The following USP45 variants were observed in gnomAD, a reference collection of about 807,000 sequenced individuals.
USP45 encodes the protein ubiquitin specific peptidase 45, also known as ubiquitin carboxyl-terminal hydrolase 45.
USP45 carries 89 observed loss-of-function variants against 95.8 expected under a neutral mutation model. That is an observed-to-expected ratio of 0.93 (90% CI 0.78 to 1.11). The LOEUF (loss-of-function observed/expected upper bound fraction) is 1.11. Ranked by LOEUF, USP45 falls within the 50% of genes least tolerant of loss-of-function variation. The pLI is 0.00. For missense variants in USP45, 898 were observed against 942.5 expected (o/e 0.95, Z 0.62); for synonymous variants, 281 against 316.2 (o/e 0.89, Z 1.18).
intron 13 of USP45, among the ~76,000 whole-genome samples, chr6:99,456,502 T>C (rs1041832337): frequency 6.6e-6 from 1 of 152,182 alleles, no homozygotes; most frequent in South Asian, 2.1e-4. Context: ...ATTGTGAAGA[T>C]TTCATGGACA....
chr6:99,440,357 A>G (rs1032682861), intron 15 of USP45, among the ~76,000 whole-genome samples: 9 of 152,230 alleles, frequency 5.9e-5, no homozygotes, highest in Non-Finnish European at 7.3e-5. Context: ...AGTAAATGCT[A>G]TATATTACAT....
At chr6:99,452,179 T>C (rs1583040002) in intron 13 of USP45, among the ~76,000 whole-genome samples, 1 of 152,148 alleles carries the variant, frequency 6.6e-6, no homozygotes, top group Middle Eastern at 3.4e-3. Context: ...AATTGACAAA[T>C]GGGATCTAAT....
chr6:99,517,513 C>CA (rs1229174510), upstream of USP45, among the ~76,000 whole-genome samples: 7 of 151,840 alleles, frequency 4.6e-5, no homozygotes, highest in Admixed American at 1.3e-4. Context: ...CAGTTCACTG[C>CA]AACCTCTGCC....
intron 9 of USP45, 56 bp from the exon 10 acceptor site, chr6:99,468,674 C>T (rs969024679): frequency 8.3e-7 from 1 of 1,201,044 alleles, no homozygotes; most frequent in East Asian, 2.4e-5. Flanking sequence ...AGGCCTCATC[C>T]TCCTAATAAA....
rs990038790 is a variant in USP45 at position 99,433,958 on chromosome 6, A to G, written c.*1758T>C. Reference sequence around the variant, plus strand: ...TGGCTGACTTGAATAAAGACAGTCAATATTTTTCAAAAAATTCACTGCTCT... The same window carrying G: ...TGGCTGACTTGAATAAAGACAGTCAGTATTTTTCAAAAAATTCACTGCTCT... On this transcript the variant is annotated 3_prime_UTR_variant, in exon 18 of 18. Transcript: ENST00000500704. The G allele has an allele frequency of 2.0e-5, 3 of 152,216 alleles. No individual in the cohort carries two copies. The highest frequency in any genetic ancestry group is 4.8e-5 in the African/African-American group (2 of 41,456). 9.4% of individuals were successfully genotyped at this position (152,216 alleles called of 1,614,324 possible).
At chr6:99,506,961 T>C (rs1798665193) in intron 4 of USP45, among the ~76,000 whole-genome samples, 1 of 152,200 alleles carries the variant, frequency 6.6e-6, no homozygotes, top group Non-Finnish European at 1.5e-5. Context: ...ATCCTAGCAC[T>C]TGGGGAGGCC....
At chr6:99,483,609 C>T (rs1287110255) in intron 7 of USP45, among the ~76,000 whole-genome samples, 6 of 151,824 alleles carry the variant, frequency 4.0e-5, no homozygotes, top group Non-Finnish European at 5.9e-5. Flanking sequence ...GAGGCCGAGG[C>T]GGGTGGATCA....
intron 8 of USP45, among the ~76,000 whole-genome samples, chr6:99,478,959 A>T (rs1420655962): frequency 6.6e-6 from 1 of 151,800 alleles, no homozygotes; most frequent in East Asian, 2.0e-4. Flanking sequence ...TACACCCTGT[A>T]TGATTCCATT....
chr6:99,508,253 A>C (rs1798973420), intron 3 of USP45, among the ~76,000 whole-genome samples: 1 of 152,226 alleles, frequency 6.6e-6, no homozygotes, highest in African/African-American at 2.4e-5. Context: ...TAAGATTTTA[A>C]ATTACTTTGC....
chr6:99,464,845 T>A (rs1180060333), intron 12 of USP45, 98 bp from the exon 13 acceptor site: 1 of 1,311,312 alleles, frequency 7.6e-7, no homozygotes, highest in Non-Finnish European at 1.0e-6. Context: ...ATACAAAAAA[T>A]TAACAAATTA....
rs141919348 is a variant in USP45 at position 99,436,411 on chromosome 6, C to T, written c.2315-565G>A. ...TAATTTAAAAAACAACAGACATTAG[C>T]CGGGTGTGGTGGCAGGCGCCTGGAG... On this transcript the variant is annotated intron_variant, in intron 17 of 17. Transcript: ENST00000500704. Among the ~76,000 whole-genome samples the T allele has an allele frequency of 1.1e-3, 128 of 121,222 alleles. 2 individuals carry two copies. In the East Asian group the frequency reaches 0.061, roughly 58 times the overall value. 79.5% of individuals were successfully genotyped at this position (121,222 alleles called of 152,430 possible). A position where few individuals can be genotyped will look rare whatever the true frequency, so the allele number is the denominator to read the frequency against.
At chr6:99,470,993 A>G (rs181303065) in intron 9 of USP45, among the ~76,000 whole-genome samples, 4 of 152,296 alleles carry the variant, frequency 2.6e-5, no homozygotes. Flanking sequence ...CTGAAATGTC[A>G]TATCACTCAA....
Position 99,468,593 on chromosome 6 carries a change from G to T in USP45, c.959C>A (p.Ala320Glu). The change falls in exon 10 of 18, where the codon GCA becomes GAA. Residue 320 changes from alanine to glutamate, a missense_variant. Transcript: ENST00000500704. ...AGTTTTAGTAGTTGGGTTGTTAAAT[G>T]CTTTTAGAATGCTAGCTTGTATTCG... ...TKRIQASILK[A>E]FNNPTTKTAD... The T allele has an allele frequency of 6.2e-7, 1 of 1,608,218 alleles. No individual in the cohort carries two copies. Among genetic ancestry groups the T allele is most frequent in the Non-Finnish European group, 8.5e-7 (1 of 1,176,340 alleles).
intron 17 of USP45, 39 bp from the exon 18 acceptor site, chr6:99,435,885 T>G: frequency 6.3e-7 from 1 of 1,575,350 alleles, no homozygotes; most frequent in African/African-American, 1.4e-5. Flanking sequence ...AAAGTAAGTA[T>G]GCTTTAGGTT....
intron 5 of USP45, among the ~76,000 whole-genome samples, chr6:99,497,142 T>C (rs1180148200): frequency 6.6e-6 from 1 of 152,144 alleles, no homozygotes; most frequent in Non-Finnish European, 1.5e-5. Flanking sequence ...TGTCTCCAGT[T>C]TTCTGGTCTA....
chr6:99,499,076 A>G (rs1796877607), intron 5 of USP45, among the ~76,000 whole-genome samples: 1 of 152,168 alleles, frequency 6.6e-6, no homozygotes, highest in Non-Finnish European at 1.5e-5. Context: ...CATATACTAT[A>G]TGATTTTAGG....
intron 5 of USP45, 67 bp downstream of exon 5, chr6:99,503,698 G>T: frequency 9.4e-7 from 1 of 1,067,234 alleles, no homozygotes; most frequent in South Asian, 1.7e-5. Context: ...TATTCTTTAT[G>T]AATTTATGAA....
intron 8 of USP45, among the ~76,000 whole-genome samples, chr6:99,478,749 T>G (rs1398078172): frequency 6.6e-6 from 1 of 152,136 alleles, no homozygotes; most frequent in African/African-American, 2.4e-5. Context: ...CTAAGTGAAC[T>G]AATGCAGAAG....
Position 99,488,242 on chromosome 6 carries a change from A to T in USP45, c.672T>A (p.Ser224Arg). The T allele has an allele frequency of 6.2e-7, 1 of 1,612,784 alleles. No homozygotes were observed. ...LTDLMNEIKE[S>R]STKLKIFPSS... ...AAGGAAAAATCTTGAGTTTTGTACT[A>T]CTTTCTTTGATCTCATTCATCAGAT... is the stretch of plus-strand genomic sequence containing the variant. The change falls in exon 7 of 18, where the codon AGT becomes AGA. Residue 224 changes from serine to arginine, a missense_variant. Physicochemically the swap from Ser to Arg is moderately radical, Grantham distance 110. Coordinates refer to ENST00000500704, the MANE Select transcript of USP45 (RefSeq NM_001346022.3).
Sources: allele counts gnomAD v4.1 joint callset (sites outside exome capture counted in the v4.1 genomes callset), GRCh38; gene constraint gnomAD v4.1.1; transcripts MANE v1.5; gene names NCBI Gene and HGNC (gene_info 2026-07-23, HGNC 2026-07-21).